The following NLGN4X variants were observed in gnomAD, a reference collection of about 807,000 sequenced individuals.
NLGN4X encodes the protein neuroligin 4 X-linked.
Under a neutral mutation model 40.3 loss-of-function variants are expected in NLGN4X, and 3 were observed. The observed-to-expected ratio is 0.07, with a 90% CI of 0.03 to 0.19. The LOEUF (loss-of-function observed/expected upper bound fraction) is 0.19. Among genes scored for constraint, NLGN4X ranks in the 10% least tolerant of loss-of-function variants. The probability of loss-of-function intolerance (pLI) is 1.00; values close to 1 mark genes in which losing one functional copy is unlikely to be tolerated. For synonymous variants in NLGN4X, 270 were observed against 306.8 expected, an observed-to-expected ratio of 0.88 and a Z score of 1.25; for missense variants, 382 against 708.3, an observed-to-expected ratio of 0.54 and a Z score of 5.23.
At chrX:6,152,304 A>G (rs1199761729) in intron 1 of NLGN4X, among the ~76,000 whole-genome samples, 4 of 112,134 alleles carry the variant, frequency 3.6e-5, no homozygotes, top group Non-Finnish European at 7.5e-5. Flanking sequence ...TTTAGAAAAC[A>G]CTAAACAAAT....
At chrX:6,068,839 G>C (rs2037988065) in intron 2 of NLGN4X, among the ~76,000 whole-genome samples, 1 of 111,614 alleles carries the variant, frequency 9.0e-6, no homozygotes, top group African/African-American at 3.3e-5. Context: ...ACACTCCATT[G>C]CAAAAGAAGA....
intron 1 of NLGN4X, among the ~76,000 whole-genome samples, chrX:6,157,865 C>T (rs1274879042): frequency 9.0e-6 from 1 of 110,987 alleles, no homozygotes; most frequent in Non-Finnish European, 1.9e-5. Context: ...AGAAGTATCC[C>T]GTAAAGATCA....
At chrX:5,953,147 G>T (rs967055555) in intron 3 of NLGN4X, among the ~76,000 whole-genome samples, 20 of 110,893 alleles carry the variant, frequency 1.8e-4, no homozygotes, top group African/African-American at 5.9e-4. Context: ...AAGGCAGGGG[G>T]ATCATTTGAG....
chrX:6,191,091 GT>G (rs112462147), intron 1 of NLGN4X, among the ~76,000 whole-genome samples: 3,536 of 99,145 alleles, frequency 0.036, 139 homozygotes, highest in African/African-American at 0.11. Flanking sequence ...GTTTCAAATT[GT>G]TTTTTTTTTT....
chrX:5,964,217 C>A (rs2034751545), intron 3 of NLGN4X, among the ~76,000 whole-genome samples: 1 of 111,756 alleles, frequency 8.9e-6, no homozygotes, highest in Admixed American at 9.6e-5. Flanking sequence ...GAGAAGAATT[C>A]TCCTCCTAAG....
intron 5 of NLGN4X, among the ~76,000 whole-genome samples, chrX:5,895,372 C>G (rs1359188767): frequency 9.0e-6 from 1 of 110,853 alleles, no homozygotes; most frequent in East Asian, 2.8e-4. Context: ...AAATATTACC[C>G]CCTCTCTTCC....
intron 2 of NLGN4X, among the ~76,000 whole-genome samples, chrX:6,139,956 T>A (rs1253095678): frequency 1.8e-5 from 2 of 111,658 alleles, no homozygotes; most frequent in Non-Finnish European, 3.8e-5. Flanking sequence ...AGATCAATAG[T>A]GTCATTGGCC....
intron 3 of NLGN4X, among the ~76,000 whole-genome samples, chrX:6,005,418 T>C (rs958586841): frequency 9.0e-6 from 1 of 111,587 alleles, no homozygotes; most frequent in Non-Finnish European, 1.9e-5. Flanking sequence ...GGGATGTGTC[T>C]CTGAGTGGCA....
At chrX:6,194,331 T>A (rs1291755363) in intron 1 of NLGN4X, among the ~76,000 whole-genome samples, 1 of 112,117 alleles carries the variant, frequency 8.9e-6, no homozygotes, top group Non-Finnish European at 1.9e-5. Context: ...TCGGAGTTTT[T>A]CTTGCCATCT....
intron 2 of NLGN4X, among the ~76,000 whole-genome samples, chrX:6,044,522 GT>G (rs1198247685): frequency 9.0e-6 from 1 of 111,674 alleles, no homozygotes; most frequent in Non-Finnish European, 1.9e-5. Context: ...AATTGTGGAG[GT>G]TTTTTTATGG....
chrX:5,947,572 G>A (rs1481143371), intron 3 of NLGN4X, among the ~76,000 whole-genome samples: 5 of 111,897 alleles, frequency 4.5e-5, no homozygotes, highest in Non-Finnish European at 7.5e-5. Flanking sequence ...GAAATTTTGA[G>A]GAAAAAAATA....
chrX:5,940,542 C>T (rs1047043663), intron 3 of NLGN4X, among the ~76,000 whole-genome samples: 1 of 108,249 alleles, frequency 9.2e-6, no homozygotes, highest in Non-Finnish European at 1.9e-5. Context: ...CCCATTAATG[C>T]TCAATACACT....
chrX:6,015,355 A>T (rs2036366762), intron 3 of NLGN4X, among the ~76,000 whole-genome samples: 1 of 111,641 alleles, frequency 9.0e-6, no homozygotes, highest in Middle Eastern at 4.7e-3. Flanking sequence ...TATAGAAAAA[A>T]CATTTTAACT....
intron 2 of NLGN4X, among the ~76,000 whole-genome samples, chrX:6,109,847 C>T (rs113471248): frequency 0.2 from 21,920 of 111,358 alleles, 1,859 homozygotes; most frequent in South Asian, 0.26. Context: ...TTTGAGATTG[C>T]AAACCTTTTT....
chrX:6,215,549 C>CA (rs3072697), intron 1 of NLGN4X, among the ~76,000 whole-genome samples: 1,812 of 77,278 alleles, frequency 0.023, 52 homozygotes, highest in African/African-American at 0.068. Flanking sequence ...AACTCCGTCT[C>CA]AAAAAAAAAA....
At chrX:6,011,826 A>G (rs988255468) in intron 3 of NLGN4X, among the ~76,000 whole-genome samples, 1 of 111,533 alleles carries the variant, frequency 9.0e-6, no homozygotes, top group African/African-American at 3.3e-5. Context: ...GGGTGAGGAA[A>G]AAGTAAAGAT....
At chrX:6,058,911 T>C (rs2037701288) in intron 2 of NLGN4X, among the ~76,000 whole-genome samples, 1 of 112,026 alleles carries the variant, frequency 8.9e-6, no homozygotes, top group East Asian at 2.8e-4. Context: ...GAATCATTCA[T>C]GATTTAGTAG....
At position 6,059,935 on chromosome X, in the gene NLGN4X, T is replaced by C. The variant is rs764327635; in HGVS notation, c.473-30503A>G. On this transcript the variant is annotated intron_variant, in intron 2 of 5. Coordinates refer to ENST00000381095, the MANE Select transcript of NLGN4X (RefSeq NM_181332.3). ...ATATTTTAACAGTCACCTACATAAT[T>C]ATATAGCTGCCTTCATTTTACTACT... is the stretch of plus-strand genomic sequence containing the variant. Among the ~76,000 whole-genome samples, 8 of 112,097 alleles carry C rather than the reference T, an allele frequency of 7.1e-5. No homozygotes were observed. In the East Asian group the frequency reaches 2.2e-3, roughly 31 times the overall value.
intron 3 of NLGN4X, among the ~76,000 whole-genome samples, chrX:5,934,153 C>T (rs2033656198): frequency 9.0e-6 from 1 of 111,378 alleles, no homozygotes; most frequent in South Asian, 3.7e-4. Context: ...CAGTGTTTAC[C>T]TTTCTGTGCC....
Sources: gnomAD v4.1 joint callset for allele counts (sites outside exome capture counted in the v4.1 genomes callset) on GRCh38, gnomAD v4.1.1 for gene constraint, MANE v1.5 for transcripts, NCBI Gene and HGNC (gene_info 2026-07-23, HGNC 2026-07-21) for gene names.